Variants in EPHA2 observed in about 807,000 individuals in gnomAD.
EPHA2 encodes EPH receptor A2, also known as ephrin type-A receptor 2.
EPHA2 carries 54 observed loss-of-function variants against 104.9 expected under a neutral mutation model. That is an observed-to-expected ratio of 0.51 (90% confidence interval 0.41 to 0.65). The LOEUF (loss-of-function observed/expected upper bound fraction) is 0.65, where lower values mean the gene tolerates loss of function less well. Ranked by LOEUF, EPHA2 falls within the 30% of genes least tolerant of loss-of-function variation. The pLI is 0.00. For missense variants in EPHA2, 1,117 were observed against 1,369.5 expected (o/e 0.82, Z 2.91); for synonymous variants, 560 against 559.1 (o/e 1.00, Z -0.02).
chr1:16,153,325 T>A, intron 1 of EPHA2: 1 of 985,274 alleles, frequency 1.0e-6, no homozygotes, highest in Non-Finnish European at 1.2e-6. Flanking sequence ...TAACCAAGAC[T>A]AGCTAATCCC....
intron 5 of EPHA2, among the ~76,000 whole-genome samples, chr1:16,136,362 G>A (rs2024684079): frequency 1.3e-5 from 2 of 150,358 alleles, no homozygotes; most frequent in South Asian, 2.1e-4. Flanking sequence ...GTTCACCCCT[G>A]TAATCCCAGC....
chr1:16,125,381 G>T lies in EPHA2; in HGVS notation c.2826-61C>A. On this transcript the variant is annotated intron_variant, in intron 16 of 16. Coordinates refer to ENST00000358432, the MANE Select transcript of EPHA2 (RefSeq NM_004431.5). This position sits in a 1 kb window ranked among gnomAD's most constrained non-coding sequence, Gnocchi z 4.9. Reference sequence around the variant, plus strand: ...CTGGAGCAGGGGAGGGGGCCGGGCTGGGTGGGGACAGGACTCGGTGGGCGG... The same window carrying T: ...CTGGAGCAGGGGAGGGGGCCGGGCTTGGTGGGGACAGGACTCGGTGGGCGG... The T allele has an allele frequency of 4.0e-6, 4 of 1,005,130 alleles. No homozygotes were observed. Among genetic ancestry groups the T allele is most frequent in the African/African-American group, 3.3e-5 (2 of 60,248 alleles). 62.3% of individuals were successfully genotyped at this position (1,005,130 alleles called of 1,614,324 possible). A position where few individuals can be genotyped will look rare whatever the true frequency, so the allele number is the denominator to read the frequency against.
chr1:16,152,020 G>A (rs914982384), intron 1 of EPHA2, among the ~76,000 whole-genome samples: 3 of 152,174 alleles, frequency 2.0e-5, no homozygotes, highest in African/African-American at 7.2e-5. Flanking sequence ...TAAAGTCCAG[G>A]TAGCTGCCAA....
At chr1:16,129,837 T>G (rs1481098727) in intron 15 of EPHA2, among the ~76,000 whole-genome samples, 2 of 152,056 alleles carry the variant, frequency 1.3e-5, no homozygotes, top group Non-Finnish European at 2.9e-5. Flanking sequence ...AACTACCACA[T>G]CATAAAATGC....
At chr1:16,133,069 C>T (rs1444427081) in intron 11 of EPHA2, 111 bp downstream of exon 11, 35 of 1,426,980 alleles carry the variant, frequency 2.5e-5, no homozygotes, top group Non-Finnish European at 1.2e-5. Flanking sequence ...GAGGTGGGTG[C>T]AGGTGTGGGG....
Position 16,132,194 on chromosome 1 carries a change from T to C in EPHA2, c.2195A>G (p.Asn732Ser), listed in dbSNP as rs779016958. 3 of 1,614,214 alleles carry C rather than the reference T, an allele frequency of 1.9e-6. No homozygotes were observed. Among genetic ancestry groups the C allele is most frequent in the African/African-American group, 1.3e-5 (1 of 75,062 alleles). The change falls in exon 13 of 17, where the codon AAC becomes AGC. Residue 732 changes from asparagine (N) to serine (S), a missense_variant. By Grantham distance (46) the Asn-to-Ser change is conservative. Transcript: ENST00000358432. ...CAGGTCACGGTGCACATAGTTCATG[T>C]TGGCCAGGTACTTCATGCCAGCTGC... ...GIAAGMKYLA[N>S]MNYVHRDLAA... is the part of the protein sequence containing the mutation.
Position 16,134,922 on chromosome 1 carries a change from G to A in EPHA2, c.1582+114C>T, listed in dbSNP as rs1346126261. On this transcript the variant is annotated intron_variant, in intron 7 of 16. Transcript: ENST00000358432. This position sits in a 1 kb window ranked among gnomAD's most constrained non-coding sequence, Gnocchi z 4.5. ...CCCCGAAGGGCTGTCCCAGGCCGCC[G>A]GTGACCGAGAAAGGGGCATTTCTAA... is the stretch of plus-strand genomic sequence containing the variant. The A allele has an allele frequency of 8.5e-6, 13 of 1,526,246 alleles. No homozygotes were observed. Among genetic ancestry groups the A allele is most frequent in the Middle Eastern group, 1.7e-4 (1 of 5,826 alleles). 94.5% of individuals were successfully genotyped at this position (1,526,246 alleles called of 1,614,324 possible). A position where few individuals can be genotyped will look rare whatever the true frequency, so the allele number is the denominator to read the frequency against.
At chr1:16,151,058 C>T (rs2025025819) in intron 1 of EPHA2, 95 bp from the exon 2 acceptor site, 2 of 1,277,290 alleles carry the variant, frequency 1.6e-6, no homozygotes, top group Admixed American at 3.4e-5. Flanking sequence ...AACCCCAACT[C>T]TCAGACAGAG....
rs910963599 is a variant in EPHA2, at chr1:16,125,472, C to G, written c.2826-152G>C. 1.6e-6 allele frequency: 1 copy of G among 627,452 alleles called. No individual in the cohort carries two copies. Among genetic ancestry groups the G allele is most frequent in the African/African-American group, 1.8e-5 (1 of 54,494 alleles). The allele number at this position is 627,452 out of a possible 1,614,324, so 38.9% of individuals were successfully genotyped here. On this transcript the variant is annotated intron_variant, in intron 16 of 16. Transcript: ENST00000358432. This position sits in a 1 kb window ranked among gnomAD's most constrained non-coding sequence, Gnocchi z 4.9. The stretch of plus-strand genomic sequence containing the variant: ...GAGGGTGCCTTGGGGACCTGTAGGG[C>G]AAGAGAGCTCTGGTTAGGTAGGCCT...
chr1:16,136,764 G>GAAGAAGAAGAAGAAA (rs2024717389), intron 5 of EPHA2, among the ~76,000 whole-genome samples: 1 of 147,326 alleles, frequency 6.8e-6, no homozygotes, highest in Non-Finnish European at 1.5e-5. Context: ...AGAAGAAGAA[G>GAAGAAGAAGAAGAAA]AAGAAGAAGA....
intron 5 of EPHA2, among the ~76,000 whole-genome samples, chr1:16,136,058 A>G (rs2024677641): frequency 6.6e-6 from 1 of 151,872 alleles, no homozygotes. Context: ...TTTTGTAGAG[A>G]TGGGGTCTCC....
intron 1 of EPHA2, among the ~76,000 whole-genome samples, chr1:16,152,421 T>A (rs1250567305): frequency 2.0e-5 from 3 of 148,834 alleles, no homozygotes; most frequent in South Asian, 2.2e-4. Context: ...CTAGGAAGGG[T>A]CAGGCAGCCC....
At position 16,131,650 on chromosome 1, in the gene EPHA2, C is replaced by T. The variant is rs2024570943; in HGVS notation, c.2475+71G>A. ...CATCTAAACTGTCCTCTGCCCAGCC[C>T]CTGCAGTTTGAGATGAGTAAAGGGC... On this transcript the variant is annotated intron_variant, in intron 14 of 16. Coordinates refer to ENST00000358432, the MANE Select transcript of EPHA2 (RefSeq NM_004431.5). This position sits in a 1 kb window ranked among gnomAD's most constrained non-coding sequence, Gnocchi z 5.2. The T allele has an allele frequency of 6.3e-7, 1 of 1,599,866 alleles. No individual in the cohort carries two copies. Among genetic ancestry groups the T allele is most frequent in the Non-Finnish European group, 8.6e-7 (1 of 1,168,906 alleles).
Position 16,138,392 on chromosome 1 carries a change from T to A in EPHA2, c.862A>T (p.Ser288Cys). 1 of 1,613,802 alleles carries A rather than the reference T, an allele frequency of 6.2e-7. No individual in the cohort carries two copies. The highest frequency in any genetic ancestry group is 1.1e-5 in the South Asian group (1 of 91,082). Residue 288 changes from serine (S) to cysteine (C), a missense_variant, in exon 4 of 17, where the codon AGC becomes TGC. By Grantham distance (112) the Ser-to-Cys change is moderately radical. Around this residue, in one of 3 missense-constraint regions of EPHA2, gnomAD observed 664 missense variants for 784.8 expected, o/e 0.85. Transcript: ENST00000358432. ...TGCTCAGGGCACTCCAAGCAGGGGC[T>A]CTCAGATGCCTCAAACTTAAAAAAT... is the stretch of plus-strand genomic sequence containing the variant. The part of the protein sequence containing the change: ...PGFFKFEASE[S>C]PCLECPEHTL...
intron 3 of EPHA2, among the ~76,000 whole-genome samples, chr1:16,142,984 A>G (rs867165003): frequency 9.5e-5 from 7 of 74,002 alleles, no homozygotes; most frequent in Middle Eastern, 0.01. Context: ...TGGAGGGATG[A>G]ATGGATGGAT....
intron 4 of EPHA2, 39 bp from the exon 5 acceptor site, chr1:16,138,224 G>C: frequency 1.9e-6 from 3 of 1,612,162 alleles, no homozygotes; most frequent in Non-Finnish European, 2.5e-6. Flanking sequence ...GCTGGACCCA[G>C]GCGGACACGT....
In EPHA2 at chr1:16,150,984, G is replaced by C. The variant is rs200706820; in HGVS notation, c.86-21C>G. 2 of 1,613,784 alleles carry C rather than the reference G, an allele frequency of 1.2e-6. No individual in the cohort carries two copies. Among genetic ancestry groups the C allele is most frequent in the Non-Finnish European group, 1.7e-6 (2 of 1,179,852 alleles). On this transcript the variant is annotated intron_variant, in intron 1 of 16. Coordinates refer to ENST00000358432, the MANE Select transcript of EPHA2 (RefSeq NM_004431.5). The surrounding 1 kb of genome is among the most constrained non-coding windows in gnomAD (Gnocchi z 4.8). ...TACCACTGAAAGGGAGAAGGGAGAG[G>C]GGGTGAGCCTGGGGGTGTCTTCAGG...
chr1:16,124,878 T>C lies in EPHA2; in HGVS notation c.*337A>G, dbSNP rs552147972. 8 of 304,034 alleles carry C rather than the reference T, an allele frequency of 2.6e-5. No individual in the cohort carries two copies. The highest frequency in any genetic ancestry group is 8.0e-5 in the Admixed American group (2 of 24,902). 18.8% of individuals were successfully genotyped at this position (304,034 alleles called of 1,614,324 possible). On this transcript the variant is annotated 3_prime_UTR_variant, in exon 17 of 17. Transcript: ENST00000358432. ...CCCTCCATCTCCTGAGATGGCCTCATGTGGGAGAAGGCGGAGGGAAGGTCG... is the reference window on the plus strand; with the variant it reads ...CCCTCCATCTCCTGAGATGGCCTCACGTGGGAGAAGGCGGAGGGAAGGTCG...
Position 16,150,788 on chromosome 1 carries a change from G to A in EPHA2, c.153+108C>T. The A allele has an allele frequency of 8.0e-7, 1 of 1,252,772 alleles. No individual in the cohort carries two copies. Among genetic ancestry groups the A allele is most frequent in the Admixed American group, 1.7e-5 (1 of 57,946 alleles). The allele number at this position is 1,252,772 out of a possible 1,614,324, so 77.6% of individuals were successfully genotyped here. A position where few individuals can be genotyped will look rare whatever the true frequency, so the allele number is the denominator to read the frequency against. Reference sequence around the variant, plus strand: ...CCTGAGCCTGAGACCTGGCTGAGCTGCTGAATTGAAGCCAGGCCCCACGCT... The same window carrying A: ...CCTGAGCCTGAGACCTGGCTGAGCTACTGAATTGAAGCCAGGCCCCACGCT... On this transcript the variant is annotated intron_variant, in intron 2 of 16. Transcript: ENST00000358432. The surrounding 1 kb of genome is among the most constrained non-coding windows in gnomAD (Gnocchi z 4.8).
Sources: gnomAD v4.1 joint callset for allele counts (sites outside exome capture counted in the v4.1 genomes callset) on GRCh38, gnomAD v4.1.1 for gene constraint, gnomAD v4.1.1 regional missense constraint, Gnocchi (gnomAD v3.1) non-coding constraint, MANE v1.5 for transcripts, NCBI Gene and HGNC (gene_info 2026-07-23, HGNC 2026-07-21) for gene names.